Variants in MRTFB observed in about 807,000 individuals in gnomAD.
MRTFB encodes myocardin related transcription factor B.
In MRTFB, 29 loss-of-function variants were observed where a neutral mutation model predicts 104.2. The observed-to-expected ratio is 0.28, with a 90% CI of 0.21 to 0.38. The LOEUF (loss-of-function observed/expected upper bound fraction) is 0.38. Among genes scored for constraint, MRTFB ranks in the 10% least tolerant of loss-of-function variants. MRTFB has a pLI of 1.00. For missense variants in MRTFB, 1,270 were observed against 1,341.6 expected (o/e 0.95, Z 0.83); for synonymous variants, 535 against 519.5 (o/e 1.03, Z -0.41).
chr16:14,090,398 T>C (rs531211128), intron 2 of MRTFB, among the ~76,000 whole-genome samples: 2 of 152,354 alleles, frequency 1.3e-5, no homozygotes, highest in African/African-American at 4.8e-5. Flanking sequence ...AAGATGTCTT[T>C]CATTGTTCTG....
the MRTFB span, among the ~76,000 whole-genome samples, chr16:14,038,260 G>A: frequency 3.9e-5 from 6 of 152,014 alleles, no homozygotes; most frequent in African/African-American, 1.4e-4. Context: ...AGTCATTTTG[G>A]GTTAGGGGCC....
intron 2 of MRTFB, among the ~76,000 whole-genome samples, chr16:14,104,843 T>C (rs755507084): frequency 5.3e-5 from 8 of 152,360 alleles, no homozygotes; most frequent in Non-Finnish European, 7.3e-5. Context: ...GATGTTTGAT[T>C]GATCATATCT....
At chr16:14,226,684 A>G (rs999135505) in intron 8 of MRTFB, among the ~76,000 whole-genome samples, 2 of 152,184 alleles carry the variant, frequency 1.3e-5, no homozygotes, top group Admixed American at 6.5e-5. Flanking sequence ...TCTTTCCTCA[A>G]AACGTTTTGG....
At chr16:14,196,953 T>C (rs2040458485) in intron 3 of MRTFB, among the ~76,000 whole-genome samples, 1 of 150,860 alleles carries the variant, frequency 6.6e-6, no homozygotes, top group African/African-American at 2.4e-5. Flanking sequence ...CTTTAGTGCT[T>C]TCTCTTTTTT....
Position 14,240,398 on chromosome 16 carries a change from G to C in MRTFB, c.993G>C (p.Gln331His), listed in dbSNP as rs772772432. Residue 331 changes from glutamine (Q) to histidine (H), a missense_variant, in exon 10 of 17, where the codon CAG becomes CAC. Around this residue, in one of 3 missense-constraint regions of MRTFB, gnomAD observed 1,144 missense variants for 1,131.5 expected, o/e 1.01. Transcript: ENST00000571589. ...ACTCTAACTACGCCCGCCTGCTCCA[G>C]CAGCAGCAGCTGTTCCTGCAACTGC... is the stretch of plus-strand genomic sequence containing the variant. Reference protein sequence around the residue: ...QMDSNYARLLQQQQLFLQLQI... With the variant: ...QMDSNYARLLHQQQLFLQLQI... 3.1e-6 allele frequency: 5 copies of C among 1,613,784 alleles called. No individual in the cohort carries two copies. The African/African-American group carries it at 6.7e-5, about 22-fold the overall frequency.
At chr16:14,059,033 A>G in the MRTFB span, among the ~76,000 whole-genome samples, 1 of 152,016 alleles carries the variant, frequency 6.6e-6, no homozygotes, top group African/African-American at 2.4e-5. Flanking sequence ...AGTAATACAT[A>G]TTTAATCCTT....
At chr16:14,192,363 G>T (rs1212595738) in intron 3 of MRTFB, among the ~76,000 whole-genome samples, 1 of 152,042 alleles carries the variant, frequency 6.6e-6, no homozygotes. Context: ...GACAGAACAA[G>T]ACCCCTGTAT....
At position 14,251,917 on chromosome 16, in the gene MRTFB, C is replaced by T; in HGVS notation, c.2459C>T (p.Ala820Val). Residue 820 changes from alanine (A) to valine (V), a missense_variant, in exon 14 of 17, where the codon GCC (alanine) becomes GTC (valine). This residue lies in a region of MRTFB where 1,144 missense variants were observed against 1,131.5 expected (regional missense o/e 1.01). Transcript: ENST00000571589. The part of the protein sequence containing the change: ...NTVLPYQRHP[A>V]PAVQQPFINK... ...GTTCTTCCATATCAGAGACATCCTG[C>T]CCCAGCTGTCCAGCAGCCCTTTATC... The T allele has an allele frequency of 6.2e-7, 1 of 1,614,170 alleles. No homozygotes were observed. The highest frequency in any genetic ancestry group is 8.5e-7 in the Non-Finnish European group (1 of 1,180,010).
At chr16:14,045,594 AC>A in the MRTFB span, among the ~76,000 whole-genome samples, 4 of 152,250 alleles carry the variant, frequency 2.6e-5, no homozygotes, top group Non-Finnish European at 5.9e-5. Context: ...ATGGGGAAAG[AC>A]CAAAAGAATA....
chr16:14,080,497 AT>A, intron 2 of MRTFB, among the ~76,000 whole-genome samples: 1 of 152,302 alleles, frequency 6.6e-6, no homozygotes. Context: ...AACATTGAAC[AT>A]TTACTCTCTT....
rs1437290421 is a variant in MRTFB at position 14,244,717 on chromosome 16, A to AT, written c.1080-806dup. On this transcript the variant is annotated intron_variant, in intron 10 of 16. Coordinates refer to ENST00000571589, the MANE Select transcript of MRTFB (RefSeq NM_001308142.2). The stretch of plus-strand genomic sequence containing the variant: ...TATACATTCTTGTGATACATCTGAG[A>AT]TTTTTCCCCCCACTTTTCCACTGGG... Among the ~76,000 whole-genome samples, 13 of 151,758 alleles carry AT rather than the reference A, an allele frequency of 8.6e-5. No individual in the cohort carries two copies. In the East Asian group the frequency reaches 1.3e-3, roughly 16 times the overall value.
intron 3 of MRTFB, chr16:14,200,636 C>T (rs771599883): frequency 5.6e-5 from 88 of 1,574,798 alleles, no homozygotes; most frequent in Non-Finnish European, 7.6e-5. Context: ...TTGGTGGAAT[C>T]ACGTTGATGA....
intron 9 of MRTFB, among the ~76,000 whole-genome samples, chr16:14,234,661 G>A (rs904756940): frequency 1.3e-5 from 2 of 152,120 alleles, no homozygotes; most frequent in African/African-American, 2.4e-5. Flanking sequence ...CAGAGGTGGT[G>A]GTGCATGCCT....
At chr16:14,006,448 G>A in the MRTFB span, among the ~76,000 whole-genome samples, 2 of 152,058 alleles carry the variant, frequency 1.3e-5, no homozygotes, top group African/African-American at 2.4e-5. Flanking sequence ...CAGAGGCAGA[G>A]GTTGCAGTGA....
intron 3 of MRTFB, among the ~76,000 whole-genome samples, chr16:14,158,990 A>C (rs1347462789): frequency 1.3e-5 from 2 of 150,528 alleles, no homozygotes; most frequent in Non-Finnish European, 3.0e-5. Context: ...AAAAAAAAAA[A>C]AAAACTTAGG....
At chr16:14,027,265 A>T in the MRTFB span, among the ~76,000 whole-genome samples, 2 of 152,206 alleles carry the variant, frequency 1.3e-5, no homozygotes, top group Non-Finnish European at 2.9e-5. Flanking sequence ...GCTGTGTGAA[A>T]AAAAAGACAC....
chr16:14,176,955 T>G (rs1412704236), intron 3 of MRTFB, among the ~76,000 whole-genome samples: 1 of 152,118 alleles, frequency 6.6e-6, no homozygotes, highest in Non-Finnish European at 1.5e-5. Flanking sequence ...GAGAGAGACA[T>G]CTGGAAGGCT....
chr16:14,051,943 C>T, the MRTFB span, among the ~76,000 whole-genome samples: 1 of 152,176 alleles, frequency 6.6e-6, no homozygotes, highest in Non-Finnish European at 1.5e-5. Flanking sequence ...TACATGCCTT[C>T]CCTCTCGTGA....
upstream of MRTFB, among the ~76,000 whole-genome samples, chr16:14,070,398 G>A (rs2033614935): frequency 6.6e-6 from 1 of 152,228 alleles, no homozygotes; most frequent in Admixed American, 6.5e-5. Flanking sequence ...CTCCTGGGAA[G>A]AAGTCACACT....
Sources: gnomAD v4.1 joint callset for allele counts (sites outside exome capture counted in the v4.1 genomes callset) on GRCh38, gnomAD v4.1.1 for gene constraint, gnomAD v4.1.1 regional missense constraint, MANE v1.5 for transcripts, NCBI Gene and HGNC (gene_info 2026-07-23, HGNC 2026-07-21) for gene names.